Variants in HDAC9 observed in about 807,000 individuals in gnomAD.
HDAC9 encodes the protein MEF-2 interacting transcription repressor (MITR) protein.
In HDAC9, 41 loss-of-function variants were observed where a neutral mutation model predicts 139.4. That is an observed-to-expected ratio of 0.29 (90% CI 0.23 to 0.38). HDAC9 has a LOEUF of 0.38. Ranked by LOEUF, HDAC9 falls within the 10% of genes least tolerant of loss-of-function variation. The pLI is 1.00. For synonymous variants in HDAC9, 517 were observed against 476.2 expected, an observed-to-expected ratio of 1.09 and a Z score of -1.12; for missense variants, 1,147 against 1,297.0, an observed-to-expected ratio of 0.88 and a Z score of 1.78.
intron 23 of HDAC9, among the ~76,000 whole-genome samples, chr7:18,944,034 C>A (rs1782202516): frequency 6.6e-6 from 1 of 152,150 alleles, no homozygotes; most frequent in Non-Finnish European, 1.5e-5. Flanking sequence ...AAGAATGACT[C>A]ATGAATCACA....
chr7:18,730,408 G>A (rs2129131480), intron 13 of HDAC9, among the ~76,000 whole-genome samples: 1 of 152,278 alleles, frequency 6.6e-6, no homozygotes, highest in South Asian at 2.1e-4. Flanking sequence ...TATCTTTTAA[G>A]CACTAATCTC....
intron 1 of HDAC9, among the ~76,000 whole-genome samples, chr7:18,345,019 C>T (rs963959026): frequency 7.2e-5 from 11 of 151,918 alleles, no homozygotes; most frequent in East Asian, 3.9e-4. Flanking sequence ...TAAAAGCTCA[C>T]GGCCTCACAT....
intron 1 of HDAC9, among the ~76,000 whole-genome samples, chr7:18,336,418 G>A (rs1226179107): frequency 6.6e-6 from 1 of 151,602 alleles, no homozygotes; most frequent in East Asian, 1.9e-4. Context: ...ACAAGGCTCT[G>A]TGGAATGAAT....
intron 1 of HDAC9, among the ~76,000 whole-genome samples, chr7:18,368,977 A>G (rs1784391902): frequency 6.6e-6 from 1 of 152,136 alleles, no homozygotes; most frequent in Non-Finnish European, 1.5e-5. Flanking sequence ...TTTAAAATCT[A>G]CTAAACCCAT....
chr7:18,277,069 ATAGT>A (rs1232196869), intron 2 of HDAC9, among the ~76,000 whole-genome samples: 8 of 148,196 alleles, frequency 5.4e-5, no homozygotes, highest in African/African-American at 1.3e-4. Flanking sequence ...GTAATCATAG[ATAGT>A]TACATTGTTA....
chr7:18,228,686 G>T (rs767256805), intron 2 of HDAC9, among the ~76,000 whole-genome samples: 4 of 152,060 alleles, frequency 2.6e-5, no homozygotes, highest in Non-Finnish European at 5.9e-5. Flanking sequence ...ACACCAAAAT[G>T]CATGTGCTCA....
chr7:18,483,059 A>C (rs1160458662), intron 1 of HDAC9, among the ~76,000 whole-genome samples: 1 of 152,238 alleles, frequency 6.6e-6, no homozygotes, highest in Non-Finnish European at 1.5e-5. Context: ...ATTATGCATT[A>C]TATAGTATAT....
chr7:18,758,019 G>T (rs1261113677), intron 14 of HDAC9, among the ~76,000 whole-genome samples: 1 of 152,144 alleles, frequency 6.6e-6, no homozygotes, highest in Non-Finnish European at 1.5e-5. Flanking sequence ...AGTGAGCATA[G>T]CTCCTTTTCA....
At chr7:18,431,854 A>G (rs116178373) in intron 1 of HDAC9, among the ~76,000 whole-genome samples, 2,424 of 152,338 alleles carry the variant, frequency 0.016, 64 homozygotes, top group African/African-American at 0.054. Context: ...CAGTTTATTC[A>G]GCATTTATTG....
intron 11 of HDAC9, among the ~76,000 whole-genome samples, chr7:18,661,880 T>C (rs1350957331): frequency 2.0e-5 from 3 of 152,148 alleles, no homozygotes; most frequent in Non-Finnish European, 4.4e-5. Flanking sequence ...AAAATTGTTA[T>C]ATATACTGTC....
At chr7:18,803,845 C>A (rs1043443111) in intron 17 of HDAC9, among the ~76,000 whole-genome samples, 2 of 152,024 alleles carry the variant, frequency 1.3e-5, no homozygotes, top group African/African-American at 4.8e-5. Flanking sequence ...TGTGATATAT[C>A]CCTTGCAATA....
intron 2 of HDAC9, among the ~76,000 whole-genome samples, chr7:18,246,401 C>T (rs1343141437): frequency 1.3e-5 from 2 of 151,828 alleles, no homozygotes; most frequent in African/African-American, 2.4e-5. Context: ...TTTTAGTGTA[C>T]GATTCATTGG....
At chr7:18,410,481 G>A (rs2162563) in intron 1 of HDAC9, among the ~76,000 whole-genome samples, 114,279 of 152,070 alleles carry the variant, frequency 0.75, 43,049 homozygotes, top group South Asian at 0.82. Flanking sequence ...TTTTCTGAGC[G>A]TGACAATTGT....
At chr7:18,236,930 G>T (rs1793861036) in intron 2 of HDAC9, among the ~76,000 whole-genome samples, 1 of 152,126 alleles carries the variant, frequency 6.6e-6, no homozygotes, top group South Asian at 2.1e-4. Context: ...CTCAACTAGT[G>T]CTACCGACTC....
intron 12 of HDAC9, among the ~76,000 whole-genome samples, chr7:18,708,359 G>A (rs574150877): frequency 6.6e-6 from 1 of 152,284 alleles, no homozygotes; most frequent in Non-Finnish European, 1.5e-5. Context: ...TGAGGCTGAA[G>A]ACAGGATCTT....
chr7:18,313,158 G>A (rs1799425013), intron 1 of HDAC9, among the ~76,000 whole-genome samples: 1 of 152,048 alleles, frequency 6.6e-6, no homozygotes, highest in African/African-American at 2.4e-5. Flanking sequence ...GGTCACCCAT[G>A]AATTCTAAGA....
chr7:18,909,569 A>T (rs1316860491), intron 22 of HDAC9, among the ~76,000 whole-genome samples: 3 of 152,016 alleles, frequency 2.0e-5, no homozygotes, highest in Non-Finnish European at 4.4e-5. Context: ...AATTTTGTAT[A>T]TGGTGAGAGA....
intron 12 of HDAC9, among the ~76,000 whole-genome samples, chr7:18,715,011 A>G (rs1324631796): frequency 6.6e-6 from 1 of 152,216 alleles, no homozygotes; most frequent in East Asian, 1.9e-4. Flanking sequence ...TTGAGGAAAT[A>G]CTTAGAAAAG....
At chr7:18,509,898 T>G (rs1476710300) in intron 2 of HDAC9, among the ~76,000 whole-genome samples, 1 of 152,132 alleles carries the variant, frequency 6.6e-6, no homozygotes, top group Non-Finnish European at 1.5e-5. Flanking sequence ...AGGAAAAGGA[T>G]CATGTTTTAC....
Sources: allele counts gnomAD v4.1 joint callset (sites outside exome capture counted in the v4.1 genomes callset), GRCh38; gene constraint gnomAD v4.1.1; transcripts MANE v1.5; gene names NCBI Gene and HGNC (gene_info 2026-07-23, HGNC 2026-07-21).